FBXO43: variants seen among roughly 807,000 people sequenced by gnomAD.
The protein encoded by FBXO43 is F-box only protein 43.
A neutral mutation model predicts 56.7 loss-of-function variants in FBXO43; 22 were observed. The observed-to-expected ratio is 0.39, with a 90% CI of 0.28 to 0.55. The LOEUF (loss-of-function observed/expected upper bound fraction) is 0.55. Ranked by LOEUF, FBXO43 falls within the 20% of genes least tolerant of loss-of-function variation. The probability of loss-of-function intolerance (pLI) is 0.66; values close to 1 mark genes in which losing one functional copy is unlikely to be tolerated. For synonymous variants in FBXO43, 306 were observed against 294.5 expected (o/e 1.04, Z -0.40); for missense variants, 733 against 814.9 (o/e 0.90, Z 1.22).
At chr8:100,135,365 G>C (rs1814438439) in intron 3 of FBXO43, among the ~76,000 whole-genome samples, 1 of 152,108 alleles carries the variant, frequency 6.6e-6, no homozygotes, top group Non-Finnish European at 1.5e-5. Context: ...TCGAAATATG[G>C]AGCTAAACAC....
At chr8:100,149,991 T>C (rs187192209), upstream of FBXO43, among the ~76,000 whole-genome samples, 22 of 152,280 alleles carry the variant, frequency 1.4e-4, no homozygotes, top group East Asian at 4.0e-3. Flanking sequence ...TGTTCTTCTA[T>C]GGTGGAATAC....
chr8:100,142,348 G>A (rs1294154022), intron 1 of FBXO43, among the ~76,000 whole-genome samples, 180 bp from the exon 2 acceptor site: 3 of 151,972 alleles, frequency 2.0e-5, no homozygotes, highest in Non-Finnish European at 2.9e-5. Flanking sequence ...TACTTAAAAC[G>A]AGTTCTTGAC....
Position 100,144,250 on chromosome 8 carries a change from G to A in FBXO43, c.85+801C>T, listed in dbSNP as rs537918201. 3.3e-5 allele frequency among the ~76,000 whole-genome samples: 5 copies of A among 152,068 alleles called. No homozygotes were observed. In the South Asian group the frequency reaches 1.0e-3, roughly 32 times the overall value. On this transcript the variant is annotated intron_variant, in intron 1 of 4. Transcript: ENST00000428847. Reference sequence around the variant, plus strand: ...AAATCTATTCTGGCCGGTGGCTCACGCCTGTAATCCCAGCACTTTAGGAGG... The same window carrying A: ...AAATCTATTCTGGCCGGTGGCTCACACCTGTAATCCCAGCACTTTAGGAGG...
chr8:100,137,054 CT>C (rs11291223), intron 3 of FBXO43: 93,149 of 151,194 alleles, frequency 0.62, 29,140 homozygotes, highest in African/African-American at 0.73. Flanking sequence ...ACAAGATGTT[CT>C]TTTTTTTTTG....
rs1269859449 is a variant in FBXO43 at position 100,145,263 on chromosome 8, T to C, written c.-128A>G. ...ATGCCGCAGGGATTATTCCTAACACTTGAGAAGGTCTAAATCATTTTGAAT... is the reference window on the plus strand; with the variant it reads ...ATGCCGCAGGGATTATTCCTAACACCTGAGAAGGTCTAAATCATTTTGAAT... On this transcript the variant is annotated 5_prime_UTR_variant, in exon 1 of 5. Coordinates refer to ENST00000428847, the MANE Select transcript of FBXO43 (RefSeq NM_001029860.4). 2 of 572,680 alleles carry C rather than the reference T, an allele frequency of 3.5e-6. No individual in the cohort carries two copies. The highest frequency in any genetic ancestry group is 5.8e-6 in the Non-Finnish European group (2 of 343,386). 35.5% of individuals were successfully genotyped at this position (572,680 alleles called of 1,614,324 possible).
At chr8:100,134,529 A>G (rs1814410769) in intron 3 of FBXO43, among the ~76,000 whole-genome samples, 165 bp from the exon 4 acceptor site, 1 of 152,184 alleles carries the variant, frequency 6.6e-6, no homozygotes, top group Non-Finnish European at 1.5e-5. Context: ...CAAAAAACCA[A>G]CCTTTTCTCA....
In FBXO43 at chr8:100,134,370, G is replaced by A; in HGVS notation, c.1675-6C>T. The A allele has an allele frequency of 6.2e-7, 1 of 1,612,592 alleles. No individual in the cohort carries two copies. Among genetic ancestry groups the A allele is most frequent in the Non-Finnish European group, 8.5e-7 (1 of 1,179,708 alleles). On this transcript the variant is annotated splice_polypyrimidine_tract_variant and splice_region_variant and intron_variant, in intron 3 of 4. Transcript: ENST00000428847. ...TCGACATTTAATACAGCCCCCTGTG[G>A]TAAAGGACAAGAGGCATCAATACTG...
Position 100,133,726 on chromosome 8 carries a change from G to T in FBXO43, c.*76C>A, listed in dbSNP as rs772833990. 1 of 1,401,834 alleles carries T rather than the reference G, an allele frequency of 7.1e-7. No individual in the cohort carries two copies. Among genetic ancestry groups the T allele is most frequent in the Non-Finnish European group, 9.7e-7 (1 of 1,035,784 alleles). The allele number at this position is 1,401,834 out of a possible 1,614,324, so 86.8% of individuals were successfully genotyped here. A position where few individuals can be genotyped will look rare whatever the true frequency, so the allele number is the denominator to read the frequency against. ...TCACCTGTCATTAATGGGAAGATTT[G>T]CATGTATTCAAAATATTCATAATTT... On this transcript the variant is annotated 3_prime_UTR_variant, in exon 5 of 5. Coordinates refer to ENST00000428847, the MANE Select transcript of FBXO43 (RefSeq NM_001029860.4).
At chr8:100,144,196 T>C (rs1394878026) in intron 1 of FBXO43, among the ~76,000 whole-genome samples, 2 of 152,216 alleles carry the variant, frequency 1.3e-5, no homozygotes, top group Non-Finnish European at 2.9e-5. Flanking sequence ...AATGCAGATA[T>C]TATCTCTTTC....
At chr8:100,137,808 C>T (rs1814520686) in intron 2 of FBXO43, 141 bp from the exon 3 acceptor site, 1 of 630,170 alleles carries the variant, frequency 1.6e-6, no homozygotes, top group African/African-American at 1.9e-5. Context: ...AAAAATGTGA[C>T]TTGGTCAACA....
chr8:100,144,460 C>T (rs1440692881), intron 1 of FBXO43, among the ~76,000 whole-genome samples: 2 of 152,174 alleles, frequency 1.3e-5, no homozygotes, highest in Non-Finnish European at 2.9e-5. Context: ...AAACGTGGTT[C>T]TTCGCAACTG....
At chr8:100,144,804 C>T (rs1413824622) in intron 1 of FBXO43, among the ~76,000 whole-genome samples, 7 of 151,362 alleles carry the variant, frequency 4.6e-5, no homozygotes, top group South Asian at 2.1e-4. Flanking sequence ...TGGTGGCGGG[C>T]GCCTGTAGTC....
At position 100,145,241 on chromosome 8, in the gene FBXO43, CCG is replaced by C; in HGVS notation, c.-108_-107del. On this transcript the variant is annotated 5_prime_UTR_variant, in exon 1 of 5. Coordinates refer to ENST00000428847, the MANE Select transcript of FBXO43 (RefSeq NM_001029860.4). ...AGTCGAAGGGTACACAGGGTGCATG[CCG>C]CAGGGATTATTCCTAACACTTGAGA... The C allele has an allele frequency of 1.3e-6, 1 of 785,258 alleles. No individual in the cohort carries two copies. The highest frequency in any genetic ancestry group is 2.0e-6 in the Non-Finnish European group (1 of 511,054). 48.6% of individuals were successfully genotyped at this position (785,258 alleles called of 1,614,324 possible).
Position 100,134,278 on chromosome 8 carries a change from C to A in FBXO43, c.1761G>T (p.Arg587Ser). ...CTTGCTCTCTCTGAGAACCAGGTATCCTAGCCTGTGCCTGCACAGATCTTA... is the reference window on the plus strand; with the variant it reads ...CTTGCTCTCTCTGAGAACCAGGTATACTAGCCTGTGCCTGCACAGATCTTA... ...SALRSVQAQA[R>S]IPGSQREQGS... The change falls in exon 4 of 5, where the codon AGG (arginine) becomes AGT (serine). Residue 587 changes from arginine (R) to serine (S), a missense_variant. Coordinates refer to ENST00000428847, the MANE Select transcript of FBXO43 (RefSeq NM_001029860.4). The A allele has an allele frequency of 6.2e-7, 1 of 1,614,148 alleles. No homozygotes were observed. The highest frequency in any genetic ancestry group is 8.5e-7 in the Non-Finnish European group (1 of 1,180,030).
chr8:100,142,089 T>G lies in FBXO43; in HGVS notation c.165A>C (p.Pro55=). Residue 55 remains proline (P), a synonymous_variant, in exon 2 of 5, where the codon CCA becomes CCC. Transcript: ENST00000428847. ...TEAGNGADSP[P]IVNSKYSTFR... ...AGGTGGAGTACTTGGAGTTGACAAT[T>G]GGAGGAGAGTCCGCCCCATTTCCTG... The G allele has an allele frequency of 6.2e-7, 1 of 1,613,228 alleles. No individual in the cohort carries two copies. Among genetic ancestry groups the G allele is most frequent in the Non-Finnish European group, 8.5e-7 (1 of 1,179,696 alleles).
At position 100,134,267 on chromosome 8, in the gene FBXO43, G is replaced by A. The variant is rs776056785; in HGVS notation, c.1772C>T (p.Ser591Phe). Reference protein sequence around the residue: ...SVQAQARIPGSQREQGSTLSP... With the variant: ...SVQAQARIPGFQREQGSTLSP... The stretch of plus-strand genomic sequence containing the variant: ...TAATGTTGACCCTTGCTCTCTCTGA[G>A]AACCAGGTATCCTAGCCTGTGCCTG... The change falls in exon 4 of 5, where the codon TCT (serine) becomes TTT (phenylalanine). Residue 591 changes from serine to phenylalanine, a missense_variant. Coordinates refer to ENST00000428847, the MANE Select transcript of FBXO43 (RefSeq NM_001029860.4). 35 of 1,613,994 alleles carry A rather than the reference G, an allele frequency of 2.2e-5. No individual in the cohort carries two copies. Among genetic ancestry groups the A allele is most frequent in the Middle Eastern group, 1.7e-4 (1 of 6,060 alleles).
At position 100,140,740 on chromosome 8, in the gene FBXO43, T is replaced by TTA; in HGVS notation, c.1513_1514insTA (p.Asn505IlefsTer3). On this transcript the variant is annotated frameshift_variant, in exon 2 of 5. Coordinates refer to ENST00000428847, the MANE Select transcript of FBXO43 (RefSeq NM_001029860.4). LOFTEE classifies it high-confidence loss of function. The stretch of plus-strand genomic sequence containing the variant: ...AACCATAGCAAGAATATGCTTTAAA[T>TTA]TTCTATATTTTAATTCTGTTAAGAT... 1 of 1,613,254 alleles carries TTA rather than the reference T, an allele frequency of 6.2e-7. No individual in the cohort carries two copies. The highest frequency in any genetic ancestry group is 2.2e-5 in the East Asian group (1 of 44,884).
upstream of FBXO43, among the ~76,000 whole-genome samples, chr8:100,146,342 C>A (rs913487527): frequency 1.3e-5 from 2 of 152,108 alleles, no homozygotes; most frequent in African/African-American, 4.8e-5. Context: ...CCTGGTGGCT[C>A]ACATCTGTAA....
upstream of FBXO43, among the ~76,000 whole-genome samples, chr8:100,146,238 T>A (rs1814828809): frequency 6.6e-6 from 1 of 152,186 alleles, no homozygotes; most frequent in African/African-American, 2.4e-5. Context: ...TTGTACAGGA[T>A]TATGTTTGCT....
Sources: gnomAD v4.1 joint callset for allele counts (sites outside exome capture counted in the v4.1 genomes callset) on GRCh38, gnomAD v4.1.1 for gene constraint, MANE v1.5 for transcripts, NCBI Gene and HGNC (gene_info 2026-07-23, HGNC 2026-07-21) for gene names.